TPH1: variants seen among roughly 807,000 people sequenced by gnomAD.
The protein encoded by TPH1 is tryptophan hydroxylase 1.
TPH1 carries 37 observed loss-of-function variants against 49.5 expected under a neutral mutation model. That is an observed-to-expected ratio of 0.75 (90% CI 0.58 to 0.98). TPH1 has a LOEUF of 0.98. Ranked by LOEUF, TPH1 falls within the 50% of genes least tolerant of loss-of-function variation. The pLI, the probability that TPH1 is intolerant of heterozygous loss-of-function variation, is 0.00. For synonymous variants in TPH1, 160 were observed against 182.1 expected, an observed-to-expected ratio of 0.88 and a Z score of 0.98; for missense variants, 487 against 523.6, an observed-to-expected ratio of 0.93 and a Z score of 0.68.
Position 18,043,625 on chromosome 11 carries a change from CA to C in TPH1, c.-27+2615del, listed in dbSNP as rs1269843151. Among the ~76,000 whole-genome samples the C allele has an allele frequency of 4.0e-5, 6 of 148,892 alleles. No individual in the cohort carries two copies. The South Asian group carries it at 1.0e-3, about 26-fold the overall frequency. On this transcript the variant is annotated intron_variant, in intron 1 of 10. Coordinates refer to ENST00000682019, the MANE Select transcript of TPH1 (RefSeq NM_004179.3). Reference sequence around the variant, plus strand: ...CTCAAAAAACAAAAACAAAAACAAACAAACAACAACAACAACAAAAACTATT... The same window carrying C: ...CTCAAAAAACAAAAACAAAAACAAACAACAACAACAACAACAAAAACTATT...
At chr11:18,028,270 G>C (rs189662710) in intron 6 of TPH1, among the ~76,000 whole-genome samples, 1 of 152,076 alleles carries the variant, frequency 6.6e-6, no homozygotes, top group African/African-American at 2.4e-5. Flanking sequence ...CTTTTTTCTT[G>C]CTAAAATTAT....
chr11:18,038,025 C>G (rs778401328), intron 2 of TPH1, among the ~76,000 whole-genome samples: 25 of 152,096 alleles, frequency 1.6e-4, no homozygotes, highest in Non-Finnish European at 2.9e-4. Context: ...AATAAAGACA[C>G]TAAAGATTGA....
chr11:18,024,000 ATAT>A lies in TPH1; in HGVS notation c.931-20_931-18del. On this transcript the variant is annotated intron_variant, in intron 8 of 10. Transcript: ENST00000682019. ...AAAGTAGCACTGCAAAAGAACATCA[ATAT>A]TATTCTCACACACTGACGAATTCAA... The A allele has an allele frequency of 3.2e-6, 5 of 1,564,644 alleles. No homozygotes were observed. The highest frequency in any genetic ancestry group is 4.4e-6 in the Non-Finnish European group (5 of 1,135,808).
intron 1 of TPH1, chr11:18,042,307 G>A (rs1848104977): frequency 2.2e-6 from 1 of 450,588 alleles, no homozygotes; most frequent in South Asian, 1.6e-5. Context: ...GATGGCCTCA[G>A]ATAAGCATTC....
Position 18,025,712 on chromosome 11 carries a change from G to C in TPH1, c.804-11C>G, listed in dbSNP as rs1339780942. On this transcript the variant is annotated splice_polypyrimidine_tract_variant and intron_variant, in intron 7 of 10. Coordinates refer to ENST00000682019, the MANE Select transcript of TPH1 (RefSeq NM_004179.3). Reference sequence around the variant, plus strand: ...TCATGGCAGGTATCTCTGAAAGAGAGGTACAAGTTTGTCACGCTGCAGTGC... The same window carrying C: ...TCATGGCAGGTATCTCTGAAAGAGACGTACAAGTTTGTCACGCTGCAGTGC... 6.2e-7 allele frequency: 1 copy of C among 1,613,634 alleles called. No homozygotes were observed. Among genetic ancestry groups the C allele is most frequent in the Non-Finnish European group, 8.5e-7 (1 of 1,179,742 alleles).
Position 18,018,052 on chromosome 11 carries a change from C to A in TPH1, c.*2939G>T, listed in dbSNP as rs912161293. On this transcript the variant is annotated 3_prime_UTR_variant, in exon 11 of 11. Coordinates refer to ENST00000682019, the MANE Select transcript of TPH1 (RefSeq NM_004179.3). The stretch of plus-strand genomic sequence containing the variant: ...GACCAGCCTGGCCAACATGGCGAAA[C>A]CCCATCTCTACTAAAAAAACAAAAA... The A allele has an allele frequency of 6.6e-6, 1 of 151,708 alleles. No homozygotes were observed. Among genetic ancestry groups the A allele is most frequent in the Non-Finnish European group, 1.5e-5 (1 of 67,944 alleles). The allele number at this position is 151,708 out of a possible 1,614,324, so 9.4% of individuals were successfully genotyped here.
intron 10 of TPH1, among the ~76,000 whole-genome samples, chr11:18,021,448 T>C (rs1427191609): frequency 6.6e-6 from 1 of 152,214 alleles, no homozygotes; most frequent in African/African-American, 2.4e-5. Context: ...TAGATGGATT[T>C]CTTAATCATT....
chr11:18,025,527 T>C (rs1206777474), intron 8 of TPH1, 48 bp downstream of exon 8: 1 of 1,611,804 alleles, frequency 6.2e-7, no homozygotes, highest in African/African-American at 1.3e-5. Flanking sequence ...ACACAGATAC[T>C]CATACACCCT....
At chr11:18,042,488 T>C in intron 1 of TPH1, 1 of 357,428 alleles carries the variant, frequency 2.8e-6, no homozygotes, top group Admixed American at 3.7e-5. Flanking sequence ...TTGCTAGTAA[T>C]AAATCTTTCT....
intron 1 of TPH1, among the ~76,000 whole-genome samples, 117 bp downstream of exon 1, chr11:18,046,124 G>A (rs943654898): frequency 7.9e-5 from 12 of 152,158 alleles, no homozygotes; most frequent in Non-Finnish European, 1.6e-4. Context: ...ATCTGACTCC[G>A]CAAGACCACC....
Position 18,029,220 on chromosome 11 carries a change from A to G in TPH1, c.612T>C (p.Cys204=). Residue 204 remains cysteine (C), a synonymous_variant, in exon 6 of 11, where the codon TGT becomes TGC. Transcript: ENST00000682019. ...LKNLPLLSKY[C]GYREDNIPQL... is the part of the protein sequence containing the mutation. ...GTGGGATATTATCCTCCCGATATCC[A>G]CAATATTTAGAAAGCAAAGGTAAGT... 1 of 1,614,054 alleles carries G rather than the reference A, an allele frequency of 6.2e-7. No homozygotes were observed. The highest frequency in any genetic ancestry group is 1.7e-5 in the Admixed American group (1 of 60,018).
In TPH1 at chr11:18,019,484, A is replaced by T. The variant is rs570890912; in HGVS notation, c.*1507T>A. 8.2e-6 allele frequency: 3 copies of T among 366,854 alleles called. No individual in the cohort carries two copies. Among genetic ancestry groups the T allele is most frequent in the Non-Finnish European group, 1.6e-5 (3 of 188,282 alleles). 22.7% of individuals were successfully genotyped at this position (366,854 alleles called of 1,614,324 possible). A position where few individuals can be genotyped will look rare whatever the true frequency, so the allele number is the denominator to read the frequency against. Reference sequence around the variant, plus strand: ...CTGTCATATTGAACAACCCCTATTCATTCTATGTGGATGATGCCACATGAA... The same window carrying T: ...CTGTCATATTGAACAACCCCTATTCTTTCTATGTGGATGATGCCACATGAA... On this transcript the variant is annotated 3_prime_UTR_variant, in exon 11 of 11. Transcript: ENST00000682019.
chr11:18,036,657 C>T (rs1432041012), intron 2 of TPH1, among the ~76,000 whole-genome samples: 1 of 152,146 alleles, frequency 6.6e-6, no homozygotes, highest in Non-Finnish European at 1.5e-5. Flanking sequence ...CCCAAGTCAG[C>T]CTAAGATGGG....
At chr11:18,044,830 A>T (rs1191593456) in intron 1 of TPH1, among the ~76,000 whole-genome samples, 1 of 152,220 alleles carries the variant, frequency 6.6e-6, no homozygotes, top group Non-Finnish European at 1.5e-5. Flanking sequence ...TGTTTGAATC[A>T]GTGTCTCATC....
chr11:18,022,766 G>A (rs1362343312), intron 10 of TPH1, 32 bp downstream of exon 10: 2 of 1,610,478 alleles, frequency 1.2e-6, no homozygotes, highest in Admixed American at 1.7e-5. Flanking sequence ...TTTCCCTGAA[G>A]AAAATGAAGG....
chr11:18,040,524 C>T (rs1028761297), intron 2 of TPH1, 122 bp downstream of exon 2: 5 of 964,936 alleles, frequency 5.2e-6, no homozygotes, highest in Non-Finnish European at 7.5e-6. Flanking sequence ...TCCACCACCA[C>T]ACCCAGCTAA....
Position 18,023,903 on chromosome 11 carries a change from A to T in TPH1, c.1011T>A (p.Ser337=). Residue 337 remains serine (S), a synonymous_variant, in exon 9 of 11, where the codon TCT becomes TCA. Transcript: ENST00000682019. Reference sequence around the variant, plus strand: ...CAACTCTTACTTTGAGTTCACTGATAGAAGAAAGTAAGCCAGCACCAAAGA... The same window carrying T: ...CAACTCTTACTTTGAGTTCACTGATTGAAGAAAGTAAGCCAGCACCAAAGA... The part of the protein sequence containing the change: ...LRVFGAGLLS[S]ISELKHALSG... The T allele has an allele frequency of 6.2e-7, 1 of 1,613,040 alleles. No individual in the cohort carries two copies. Among genetic ancestry groups the T allele is most frequent in the South Asian group, 1.1e-5 (1 of 91,054 alleles).
intron 1 of TPH1, among the ~76,000 whole-genome samples, chr11:18,044,754 AC>A (rs376360255): frequency 1.4e-4 from 19 of 139,360 alleles, no homozygotes; most frequent in African/African-American, 2.4e-4. Context: ...TTTCAGGAAA[AC>A]AAAACAAAAC....
chr11:18,020,800 C>G lies in TPH1; in HGVS notation c.*191G>C, dbSNP rs577437419. On this transcript the variant is annotated 3_prime_UTR_variant, in exon 11 of 11. Transcript: ENST00000682019. ...AAAAAAAAAAAGAAATAAAACTAAA[C>G]AAAAAAATAAGTGGTAAATAGAATA... is the stretch of plus-strand genomic sequence containing the variant. 34 of 547,080 alleles carry G rather than the reference C, an allele frequency of 6.2e-5. No homozygotes were observed. The highest frequency in any genetic ancestry group is 4.9e-4 in the Middle Eastern group (1 of 2,026). The allele number at this position is 547,080 out of a possible 1,614,324, so 33.9% of individuals were successfully genotyped here.
Sources: allele counts gnomAD v4.1 joint callset (sites outside exome capture counted in the v4.1 genomes callset), GRCh38; gene constraint gnomAD v4.1.1; transcripts MANE v1.5; gene names NCBI Gene and HGNC (gene_info 2026-07-23, HGNC 2026-07-21).